Variants in RPS6KA2 observed in about 807,000 individuals in gnomAD.
RPS6KA2 encodes the protein ribosomal protein S6 kinase A2, also known as ribosomal protein S6 kinase alpha-2.
A neutral mutation model predicts 91.8 loss-of-function variants in RPS6KA2; 42 were observed. That is an observed-to-expected ratio of 0.46 (90% CI 0.36 to 0.59). RPS6KA2 has a LOEUF of 0.59. Ranked by LOEUF, RPS6KA2 falls within the 20% of genes least tolerant of loss-of-function variation. The pLI is 0.00. For synonymous variants in RPS6KA2, 414 were observed against 393.6 expected (o/e 1.05, Z -0.61); for missense variants, 798 against 978.5 (o/e 0.82, Z 2.46).
chr6:166,605,879 C>G (rs548095880), intron 1 of RPS6KA2, among the ~76,000 whole-genome samples: 30 of 152,184 alleles, frequency 2.0e-4, no homozygotes, highest in Non-Finnish European at 4.3e-4. Flanking sequence ...CATTACGCTG[C>G]CCAGAGGCGC....
At chr6:166,591,150 C>G (rs1237413257) in intron 1 of RPS6KA2, among the ~76,000 whole-genome samples, 1 of 152,234 alleles carries the variant, frequency 6.6e-6, no homozygotes, top group Non-Finnish European at 1.5e-5. Flanking sequence ...CGCCCAGGCA[C>G]TCTTCATAGA....
At chr6:166,450,364 CA>C (rs1420247639) in intron 13 of RPS6KA2, among the ~76,000 whole-genome samples, 1 of 148,622 alleles carries the variant, frequency 6.7e-6, no homozygotes, top group Non-Finnish European at 1.5e-5. Context: ...CCCTAGGCAC[CA>C]GCATGGGGAC....
chr6:166,839,717 G>C, intron 2 of RPS6KA2, among the ~76,000 whole-genome samples: 1 of 127,580 alleles, frequency 7.8e-6, no homozygotes, highest in African/African-American at 3.0e-5. Context: ...GGAGAGGAGA[G>C]GCGGCACTGG....
chr6:166,759,003 G>A (rs569349330), intron 2 of RPS6KA2, among the ~76,000 whole-genome samples: 39 of 152,318 alleles, frequency 2.6e-4, no homozygotes, highest in African/African-American at 7.5e-4. Context: ...CACACATGGC[G>A]TATGTTCTTT....
At chr6:166,568,640 A>G (rs1784581357) in intron 1 of RPS6KA2, among the ~76,000 whole-genome samples, 1 of 143,964 alleles carries the variant, frequency 6.9e-6, no homozygotes, top group African/African-American at 2.6e-5. Context: ...AAAAAAAAAA[A>G]AAAAAAAAAA....
At chr6:166,573,333 C>G (rs1784745072) in intron 1 of RPS6KA2, among the ~76,000 whole-genome samples, 1 of 152,218 alleles carries the variant, frequency 6.6e-6, no homozygotes, top group African/African-American at 2.4e-5. Flanking sequence ...CGTGCAAACT[C>G]AGGGAAAACA....
intron 2 of RPS6KA2, among the ~76,000 whole-genome samples, chr6:166,802,772 A>C (rs1237553036): frequency 6.6e-6 from 1 of 152,192 alleles, no homozygotes; most frequent in Non-Finnish European, 1.5e-5. Context: ...CAGTGGTTGA[A>C]CGCTTGTCAC....
rs1341518328 is a variant in RPS6KA2, at chr6:166,858,375, G to A, written c.64-116C>T. On this transcript the variant is annotated intron_variant, in intron 1 of 21. Coordinates refer to the RPS6KA2 transcript ENST00000503859. ...CTAAATATCCCGCATGATTTCTGTA[G>A]GACATGGAAACCATATCACCGTCCC... 6.0e-6 allele frequency: 4 copies of A among 662,526 alleles called. No individual in the cohort carries two copies. The African/African-American group carries it at 7.2e-5, about 12-fold the overall frequency. The allele number at this position is 662,526 out of a possible 1,614,324, so 41.0% of individuals were successfully genotyped here.
At chr6:166,413,018 G>A in intron 20 of RPS6KA2, 131 bp from the exon 21 acceptor site, 3 of 999,508 alleles carry the variant, frequency 3.0e-6, no homozygotes, top group Admixed American at 3.0e-5. Flanking sequence ...CAGGGTCCCT[G>A]GAGCATGGAG....
At chr6:166,777,256 T>C (rs1047160002) in intron 2 of RPS6KA2, among the ~76,000 whole-genome samples, 2 of 152,230 alleles carry the variant, frequency 1.3e-5, no homozygotes, top group African/African-American at 4.8e-5. Context: ...TCTTCTCTGA[T>C]AATTAAAAAT....
intron 3 of RPS6KA2, among the ~76,000 whole-genome samples, chr6:166,528,091 G>A (rs1289258403): frequency 6.6e-6 from 1 of 152,206 alleles, no homozygotes; most frequent in Non-Finnish European, 1.5e-5. Context: ...CAGTGAGGTC[G>A]CATGGTAATC....
intron 2 of RPS6KA2, among the ~76,000 whole-genome samples, chr6:166,769,002 C>G (rs1235060759): frequency 6.6e-6 from 1 of 152,182 alleles, no homozygotes; most frequent in Non-Finnish European, 1.5e-5. Context: ...GGAACACTTT[C>G]CAGTTCCAAC....
At chr6:166,645,225 A>G (rs1370410609) in intron 2 of RPS6KA2, among the ~76,000 whole-genome samples, 1 of 152,218 alleles carries the variant, frequency 6.6e-6, no homozygotes, top group African/African-American at 2.4e-5. Context: ...AAGATGCATA[A>G]TAGCATCTAC....
chr6:166,557,362 C>G lies in RPS6KA2; in HGVS notation c.100-18578G>C, dbSNP rs1469174677. ...AACACGGTCCTGGCCACCACGTCCC[C>G]CACAGACTCAATGGTCAGGTGGCCG... On this transcript the variant is annotated intron_variant, in intron 1 of 20. Transcript: ENST00000265678. This position sits in a 1 kb window ranked among gnomAD's most constrained non-coding sequence, Gnocchi z 4.8. Among the ~76,000 whole-genome samples, 3 of 152,236 alleles carry G rather than the reference C, an allele frequency of 2.0e-5. No individual in the cohort carries two copies. The East Asian group carries it at 5.8e-4, about 29-fold the overall frequency.
chr6:166,498,871 G>C (rs886206824), intron 7 of RPS6KA2, among the ~76,000 whole-genome samples: 1 of 152,234 alleles, frequency 6.6e-6, no homozygotes, highest in African/African-American at 2.4e-5. Context: ...AGCGTGAGGA[G>C]TTCCTTATGA....
chr6:166,741,167 C>G (rs1790800810), intron 2 of RPS6KA2, among the ~76,000 whole-genome samples: 1 of 152,214 alleles, frequency 6.6e-6, no homozygotes, highest in Admixed American at 6.5e-5. Flanking sequence ...GAGACTTAAA[C>G]ACACAAAGCC....
At chr6:166,468,781 G>A (rs967093034) in intron 11 of RPS6KA2, among the ~76,000 whole-genome samples, 23 of 150,992 alleles carry the variant, frequency 1.5e-4, no homozygotes, top group Non-Finnish European at 3.4e-4. Context: ...GGAGAATGGC[G>A]TGAATCTGGC....
intron 3 of RPS6KA2, among the ~76,000 whole-genome samples, chr6:166,517,813 C>G (rs1393499311): frequency 6.6e-6 from 1 of 152,170 alleles, no homozygotes; most frequent in Non-Finnish European, 1.5e-5. Context: ...ACAGCATGAG[C>G]GATCTGTGCC....
rs1169556625 is a variant in RPS6KA2 at position 166,490,718 on chromosome 6, C to T, written c.771G>A (p.Leu257=). ...CCTTCCTGTCCTTCCCCTGGAACGG[C>T]AGGGACCCCGTGAGCATCTCAAACT... The part of the protein sequence containing the change: ...VLMFEMLTGS[L]PFQGKDRKET... Residue 257 remains leucine, a synonymous_variant, in exon 9 of 21, where the codon CTG becomes CTA. Transcript: ENST00000265678. This position sits in a 1 kb window ranked among gnomAD's most constrained non-coding sequence, Gnocchi z 4.2. 1 of 1,612,982 alleles carries T rather than the reference C, an allele frequency of 6.2e-7. No homozygotes were observed. The highest frequency in any genetic ancestry group is 8.5e-7 in the Non-Finnish European group (1 of 1,179,440).
Sources: allele counts gnomAD v4.1 joint callset (sites outside exome capture counted in the v4.1 genomes callset), GRCh38; gene constraint gnomAD v4.1.1; non-coding constraint Gnocchi (gnomAD v3.1); transcripts MANE v1.5; gene names NCBI Gene and HGNC (gene_info 2026-07-23, HGNC 2026-07-21).